The following XCL2 variants were observed in gnomAD, a reference collection of about 807,000 sequenced individuals.
XCL2 encodes the protein X-C motif chemokine ligand 2, also known as cytokine SCM-1 beta.
XCL2 carries 8 observed loss-of-function variants against 7.2 expected under a neutral mutation model. The ratio of observed to expected loss-of-function variants is 1.10; its 90% CI spans 0.65 to 1.99. The LOEUF (loss-of-function observed/expected upper bound fraction) is 1.99. Among genes scored for constraint, XCL2 ranks in the 30% most tolerant of loss-of-function variants. The pLI is 0.00. For synonymous variants in XCL2, 46 were observed against 54.2 expected, an observed-to-expected ratio of 0.85 and a Z score of 0.67; for missense variants, 131 against 138.6, an observed-to-expected ratio of 0.94 and a Z score of 0.28.
At chr1:168,541,972 C>T in intron 2 of XCL2, 21 bp downstream of exon 2, 1 of 1,609,312 alleles carries the variant, frequency 6.2e-7, no homozygotes, top group Non-Finnish European at 8.5e-7. Context: ...CCCAGCCCAA[C>T]TTCTGAGGAG....
In XCL2 at chr1:168,542,080, C is replaced by G; in HGVS notation, c.89G>C (p.Arg30Thr). ...CTGGGTAGTGAGGCTCACACAGGTCCTCCTATGTGAGACTTCACTCCCTAC... is the reference window on the plus strand; with the variant it reads ...CTGGGTAGTGAGGCTCACACAGGTCGTCCTATGTGAGACTTCACTCCCTAC... ...EGVGSEVSHR[R>T]TCVSLTTQRL... is the part of the protein sequence containing the mutation. Residue 30 changes from arginine (R) to threonine (T), a missense_variant, in exon 2 of 3, where the codon AGG (arginine) becomes ACG (threonine). Arg to Thr is a moderately conservative substitution (Grantham distance 71). Transcript: ENST00000367819. 6.5e-7 allele frequency: 1 copy of G among 1,545,774 alleles called. No homozygotes were observed. The highest frequency in any genetic ancestry group is 1.2e-5 in the South Asian group (1 of 84,146).
chr1:168,541,008 T>TTC lies in XCL2; in HGVS notation c.288_289insGA (p.Thr97GlufsTer15). On this transcript the variant is annotated frameshift_variant, in exon 3 of 3. Transcript: ENST00000367819. LOFTEE classifies it low-confidence loss of function (END_TRUNC). Reference sequence around the variant, plus strand: ...GATTGCTGGGTTCCTGTTGGCTTGGTCTGGATCATGTTATTTCTGGTGTTG... The same window carrying TTC: ...GATTGCTGGGTTCCTGTTGGCTTGGTTCCTGGATCATGTTATTTCTGGTGTTG... 1.2e-6 allele frequency: 2 copies of TTC among 1,613,680 alleles called. No individual in the cohort carries two copies. Among genetic ancestry groups the TTC allele is most frequent in the Non-Finnish European group, 8.5e-7 (1 of 1,179,724 alleles).
At chr1:168,542,337 T>C (rs1572564611) in intron 1 of XCL2, among the ~76,000 whole-genome samples, 2 of 151,954 alleles carry the variant, frequency 1.3e-5, no homozygotes, top group African/African-American at 4.8e-5. Context: ...AGGAATTTCA[T>C]GCTGAGAGAA....
At chr1:168,543,073 G>C (rs1201168721) in intron 1 of XCL2, 1 of 381,040 alleles carries the variant, frequency 2.6e-6, no homozygotes, top group Non-Finnish European at 5.1e-6. Flanking sequence ...AGAAGAAGCA[G>C]AGACTGTTGG....
Position 168,540,875 on chromosome 1 carries a change from T to G in XCL2, c.*77A>C. 1 of 1,492,948 alleles carries G rather than the reference T, an allele frequency of 6.7e-7. No homozygotes were observed. The highest frequency in any genetic ancestry group is 9.0e-7 in the Non-Finnish European group (1 of 1,115,704). 92.5% of individuals were successfully genotyped at this position (1,492,948 alleles called of 1,614,324 possible). A position where few individuals can be genotyped will look rare whatever the true frequency, so the allele number is the denominator to read the frequency against. On this transcript the variant is annotated 3_prime_UTR_variant, in exon 3 of 3. Coordinates refer to ENST00000367819, the MANE Select transcript of XCL2 (RefSeq NM_003175.4). Reference sequence around the variant, plus strand: ...ATTCATGCAGTGCTTTCATAAAAGGTGAGTATAATCTCAGTCCATGAGGGT... The same window carrying G: ...ATTCATGCAGTGCTTTCATAAAAGGGGAGTATAATCTCAGTCCATGAGGGT...
rs1199933138 is a variant in XCL2 at position 168,541,002 on chromosome 1, G to T, written c.295C>A (p.Pro99Thr). Residue 99 changes from proline (P) to threonine (T), a missense_variant, in exon 3 of 3, where the codon CCA becomes ACA. Coordinates refer to ENST00000367819, the MANE Select transcript of XCL2 (RefSeq NM_003175.4). ...TTGGTCGATTGCTGGGTTCCTGTTG[G>T]CTTGGTCTGGATCATGTTATTTCTG... is the stretch of plus-strand genomic sequence containing the variant. ...NTRNNMIQTK[P>T]TGTQQSTNTA... 6.2e-7 allele frequency: 1 copy of T among 1,613,632 alleles called. No individual in the cohort carries two copies. The highest frequency in any genetic ancestry group is 1.1e-5 in the South Asian group (1 of 91,062).
In XCL2 at chr1:168,543,949, G is replaced by A. The variant is rs1400547741; in HGVS notation, c.16C>T (p.Leu6=). The A allele has an allele frequency of 1.9e-6, 3 of 1,609,178 alleles. No individual in the cohort carries two copies. The highest frequency in any genetic ancestry group is 2.2e-5 in the East Asian group (1 of 44,810). ...AGAGAGCAGATGCCAAGGAGGGCCA[G>A]GATGAGAAGTCTCATGGCTGAGGTC... is the stretch of plus-strand genomic sequence containing the variant. MRLLI[L]ALLGICSLTA... Residue 6 remains leucine (L), a synonymous_variant, in exon 1 of 3, where the codon CTG becomes TTG. Transcript: ENST00000367819.
At chr1:168,542,912 C>T (rs544598677) in intron 1 of XCL2, 3 of 252,984 alleles carry the variant, frequency 1.2e-5, no homozygotes, top group South Asian at 4.9e-5. Context: ...GAAATGGCCC[C>T]GCTATATCTG....
At chr1:168,543,711 C>T (rs1654340059) in intron 1 of XCL2, among the ~76,000 whole-genome samples, 193 bp downstream of exon 1, 1 of 151,254 alleles carries the variant, frequency 6.6e-6, no homozygotes, top group Non-Finnish European at 1.5e-5. Context: ...AGATACTAAT[C>T]AAATTCTCCC....
Position 168,542,116 on chromosome 1 carries a change from G to GA in XCL2, c.62-10dup, listed in dbSNP as rs746563888. The GA allele has an allele frequency of 3.6e-3, 4,881 of 1,359,438 alleles. 8 individuals carry two copies. Among genetic ancestry groups the GA allele is most frequent in the South Asian group, 8.8e-3 (562 of 63,642 alleles). 84.2% of individuals were successfully genotyped at this position (1,359,438 alleles called of 1,614,324 possible). ...GACTTCACTCCCTACACCTGATGAG[G>GA]AAAAAAAAACAACAGACAATTAAAA... On this transcript the variant is annotated splice_polypyrimidine_tract_variant and intron_variant, in intron 1 of 2. Transcript: ENST00000367819.
At chr1:168,543,223 C>T (rs569172415) in intron 1 of XCL2, 5 of 211,688 alleles carry the variant, frequency 2.4e-5, no homozygotes, top group Admixed American at 1.2e-4. Context: ...ATGGTGTGGA[C>T]CCCATCAAGC....
intron 1 of XCL2, chr1:168,543,124 C>T (rs1367373462): frequency 8.8e-6 from 3 of 339,080 alleles, no homozygotes; most frequent in Non-Finnish European, 1.7e-5. Flanking sequence ...GGGTTGTCCC[C>T]ACTAGGAAAT....
At chr1:168,543,280 T>C (rs1057179940) in intron 1 of XCL2, 2 of 216,548 alleles carry the variant, frequency 9.2e-6, no homozygotes, top group African/African-American at 2.4e-5. Context: ...GGGTCCCTTA[T>C]TGCATTATCA....
chr1:168,542,272 C>T (rs1321891822), intron 1 of XCL2, among the ~76,000 whole-genome samples, 165 bp from the exon 2 acceptor site: 1 of 152,048 alleles, frequency 6.6e-6, no homozygotes, highest in African/African-American at 2.4e-5. Flanking sequence ...TTGCCCGTCA[C>T]AGATTCTTAG....
chr1:168,541,960 C>T, intron 2 of XCL2, 33 bp downstream of exon 2: 1 of 1,606,000 alleles, frequency 6.2e-7, no homozygotes, highest in Non-Finnish European at 8.5e-7. Context: ...TCTAGGTACC[C>T]ACCCAGCCCA....
Position 168,542,113 on chromosome 1 carries a change from G to A in XCL2, c.62-6C>T, listed in dbSNP as rs541486301. 2.2e-4 allele frequency: 314 copies of A among 1,458,868 alleles called. 6 individuals are homozygous for A. In the African/African-American group the frequency reaches 4.0e-3, roughly 19 times the overall value. 90.4% of individuals were successfully genotyped at this position (1,458,868 alleles called of 1,614,324 possible). The stretch of plus-strand genomic sequence containing the variant: ...TGAGACTTCACTCCCTACACCTGAT[G>A]AGGAAAAAAAAACAACAGACAATTA... On this transcript the variant is annotated splice_region_variant and splice_polypyrimidine_tract_variant and intron_variant, in intron 1 of 2. Transcript: ENST00000367819.
chr1:168,541,992 C>T lies in XCL2; in HGVS notation c.176+1G>A, dbSNP rs1271559429. The stretch of plus-strand genomic sequence containing the variant: ...CCCAACTTCTGAGGAGGCAGACTCA[C>T]ATTACTGCTCTCAAGGAGCCTTCCG... On this transcript the variant is annotated splice_donor_variant, in intron 2 of 2. Coordinates refer to ENST00000367819, the MANE Select transcript of XCL2 (RefSeq NM_003175.4). LOFTEE classifies it high-confidence loss of function. 2 of 1,610,800 alleles carry T rather than the reference C, an allele frequency of 1.2e-6. No homozygotes were observed. Among genetic ancestry groups the T allele is most frequent in the Non-Finnish European group, 1.7e-6 (2 of 1,178,382 alleles).
At position 168,543,126 on chromosome 1, in the gene XCL2, C is replaced by G. The variant is rs113349976; in HGVS notation, c.61+778G>C. ...GCTGCTAGCAAAGGGGTTGTCCCCA[C>G]TAGGAAATCACCTGTTCTTTGAGCA... On this transcript the variant is annotated intron_variant, in intron 1 of 2. Coordinates refer to ENST00000367819, the MANE Select transcript of XCL2 (RefSeq NM_003175.4). The G allele has an allele frequency of 4.5e-3, 1,521 of 338,448 alleles. 25 individuals carry two copies. The highest frequency in any genetic ancestry group is 0.029 in the Middle Eastern group (27 of 926). 21.0% of individuals were successfully genotyped at this position (338,448 alleles called of 1,614,324 possible).
intron 1 of XCL2, 129 bp downstream of exon 1, chr1:168,543,775 C>T (rs1369957503): frequency 5.7e-6 from 7 of 1,231,396 alleles, no homozygotes; most frequent in African/African-American, 3.0e-5. Flanking sequence ...TCCTTTCTTG[C>T]ACATGGGAAG....
Sources: gnomAD v4.1 joint callset for allele counts (sites outside exome capture counted in the v4.1 genomes callset) on GRCh38, gnomAD v4.1.1 for gene constraint, MANE v1.5 for transcripts, NCBI Gene and HGNC (gene_info 2026-07-23, HGNC 2026-07-21) for gene names.